RFX3: variants seen among roughly 807,000 people sequenced by gnomAD.
The protein encoded by RFX3 is transcription factor RFX3.
RFX3 carries 14 observed loss-of-function variants against 98.6 expected under a neutral mutation model. The observed-to-expected ratio is 0.14, with a 90% CI of 0.09 to 0.22. RFX3 has a LOEUF of 0.22. Among genes scored for constraint, RFX3 ranks in the 10% least tolerant of loss-of-function variants. The probability of loss-of-function intolerance (pLI) is 1.00; values close to 1 mark genes in which losing one functional copy is unlikely to be tolerated. For missense variants in RFX3, 639 were observed against 926.9 expected, an observed-to-expected ratio of 0.69 and a Z score of 4.03; for synonymous variants, 383 against 328.4, an observed-to-expected ratio of 1.17 and a Z score of -1.80.
At chr9:3,365,207 G>A (rs1836912369) in intron 2 of RFX3, among the ~76,000 whole-genome samples, 1 of 151,728 alleles carries the variant, frequency 6.6e-6, no homozygotes, top group Non-Finnish European at 1.5e-5. Context: ...GGCTGAGGCA[G>A]GGGAATCGCT....
At chr9:3,348,425 GC>G (rs907404284) in intron 2 of RFX3, among the ~76,000 whole-genome samples, 17 of 151,458 alleles carry the variant, frequency 1.1e-4, no homozygotes, top group African/African-American at 3.9e-4. Flanking sequence ...TCCACGTTTC[GC>G]CTGAGGATAT....
intron 2 of RFX3, among the ~76,000 whole-genome samples, chr9:3,371,259 G>A (rs1466906065): frequency 6.6e-6 from 1 of 152,002 alleles, no homozygotes; most frequent in African/African-American, 2.4e-5. Context: ...ATTTGCCAGT[G>A]GAGTTAAGAT....
chr9:3,524,940 G>C (rs1403073399), intron 1 of RFX3, among the ~76,000 whole-genome samples: 1 of 151,564 alleles, frequency 6.6e-6, no homozygotes, highest in African/African-American at 2.4e-5. Flanking sequence ...ACAGCAAAGA[G>C]GGCCCAACGA....
chr9:3,487,868 G>A (rs1364744530), intron 1 of RFX3, among the ~76,000 whole-genome samples: 1 of 152,080 alleles, frequency 6.6e-6, no homozygotes, highest in Non-Finnish European at 1.5e-5. Flanking sequence ...AGTGTTTCTT[G>A]ACCTTTCTAT....
chr9:3,504,493 A>C lies in RFX3; in HGVS notation c.-9+21254T>G, dbSNP rs1435178226. 1.5e-5 allele frequency among the ~76,000 whole-genome samples: 2 copies of C among 129,456 alleles called. 1 individual carries two copies. Among genetic ancestry groups the C allele is most frequent in the East Asian group, 4.7e-4 (2 of 4,214 alleles). The allele number at this position is 129,456 out of a possible 152,430, so 84.9% of individuals were successfully genotyped here. The stretch of plus-strand genomic sequence containing the variant: ...ATATATTGTATATAAAATATATATT[A>C]TATGCCATATGGTATATATTGCATA... On this transcript the variant is annotated intron_variant, in intron 1 of 16. Transcript: ENST00000617270.
At chr9:3,504,544 G>C (rs1816536973) in intron 1 of RFX3, among the ~76,000 whole-genome samples, 1 of 132,434 alleles carries the variant, frequency 7.6e-6, no homozygotes, top group Admixed American at 8.0e-5. Context: ...ATGCCATATG[G>C]TATATATTGC....
At chr9:3,505,074 TA>T (rs1198879159) in intron 1 of RFX3, among the ~76,000 whole-genome samples, 2 of 94,098 alleles carry the variant, frequency 2.1e-5, no homozygotes, top group South Asian at 3.6e-4. Flanking sequence ...TAATAAAATA[TA>T]AAAATAAAAT....
chr9:3,442,615 T>C (rs1000578486), intron 1 of RFX3, among the ~76,000 whole-genome samples: 1 of 152,178 alleles, frequency 6.6e-6, no homozygotes, highest in African/African-American at 2.4e-5. Context: ...GGTTGCCTAG[T>C]TGTAACAAAT....
chr9:3,282,211 G>A (rs1328465429), intron 7 of RFX3, among the ~76,000 whole-genome samples: 2 of 151,710 alleles, frequency 1.3e-5, no homozygotes, highest in African/African-American at 4.8e-5. Context: ...AACGCTAATG[G>A]ATCAGAAGAA....
chr9:3,487,796 G>A (rs1358693235), intron 1 of RFX3, among the ~76,000 whole-genome samples: 1 of 152,114 alleles, frequency 6.6e-6, no homozygotes, highest in Non-Finnish European at 1.5e-5. Context: ...TTAAAAATAT[G>A]ATTTAAAAAT....
intron 7 of RFX3, among the ~76,000 whole-genome samples, chr9:3,286,854 G>A (rs977430113): frequency 6.6e-5 from 10 of 151,744 alleles, no homozygotes; most frequent in Admixed American, 4.6e-4. Context: ...GGACTTCACC[G>A]CTAGGTGAAT....
intron 1 of RFX3, among the ~76,000 whole-genome samples, chr9:3,425,596 A>G (rs560701038): frequency 6.6e-6 from 1 of 152,314 alleles, no homozygotes; most frequent in East Asian, 1.9e-4. Flanking sequence ...TAACGATTAG[A>G]TATTTCAGCT....
At chr9:3,401,300 A>G (rs376587229) in intron 1 of RFX3, among the ~76,000 whole-genome samples, 10 of 152,342 alleles carry the variant, frequency 6.6e-5, no homozygotes, top group African/African-American at 2.4e-4. Context: ...ATTTAAGCCC[A>G]CTGACACATT....
intron 1 of RFX3, among the ~76,000 whole-genome samples, chr9:3,485,814 T>C (rs545092704): frequency 6.6e-6 from 1 of 152,218 alleles, no homozygotes; most frequent in African/African-American, 2.4e-5. Flanking sequence ...ACTTTAAACC[T>C]GGTAAAGACT....
chr9:3,467,067 T>C (rs1174505576), intron 1 of RFX3, among the ~76,000 whole-genome samples: 1 of 141,498 alleles, frequency 7.1e-6, no homozygotes, highest in Non-Finnish European at 1.5e-5. Context: ...TACATATATA[T>C]AAGTATATAT....
chr9:3,404,326 A>C (rs375371410), intron 1 of RFX3, among the ~76,000 whole-genome samples: 13 of 152,286 alleles, frequency 8.5e-5, no homozygotes, highest in South Asian at 6.2e-4. Context: ...ACTTGGCCAA[A>C]GGAGAAAAAT....
rs765246398 is a variant in RFX3 at position 3,411,869 on chromosome 9, A to AC, written c.-8-16274dup. On this transcript the variant is annotated intron_variant, in intron 1 of 16. Transcript: ENST00000617270. ...CCCATAGTCAAACACTGGCTACACA[A>AC]CAGCCCCTCCAAAATACTCTACATA... 5.3e-4 allele frequency among the ~76,000 whole-genome samples: 80 copies of AC among 152,094 alleles called. 1 individual carries two copies. Among genetic ancestry groups the AC allele is most frequent in the Non-Finnish European group, 1.1e-3 (75 of 68,016 alleles).
intron 1 of RFX3, among the ~76,000 whole-genome samples, chr9:3,398,029 T>A (rs1340294454): frequency 6.6e-6 from 1 of 152,232 alleles, no homozygotes; most frequent in African/African-American, 2.4e-5. Flanking sequence ...ATTGTGAGTA[T>A]GTGGGAAACT....
intron 3 of RFX3, among the ~76,000 whole-genome samples, chr9:3,339,909 G>C (rs899097614): frequency 6.6e-6 from 1 of 151,888 alleles, no homozygotes; most frequent in Non-Finnish European, 1.5e-5. Context: ...CTACTTTAAA[G>C]TTCATATGGA....
Sources: gnomAD v4.1 joint callset for allele counts (sites outside exome capture counted in the v4.1 genomes callset) on GRCh38, gnomAD v4.1.1 for gene constraint, MANE v1.5 for transcripts, NCBI Gene and HGNC (gene_info 2026-07-23, HGNC 2026-07-21) for gene names.